PRKN: variants seen among roughly 807,000 people sequenced by gnomAD.
PRKN encodes the protein parkin RBR E3 ubiquitin protein ligase, also known as E3 ubiquitin-protein ligase parkin.
In PRKN, 56 loss-of-function variants were observed where a neutral mutation model predicts 59.5. That is an observed-to-expected ratio of 0.94 (90% CI 0.76 to 1.18). The LOEUF (loss-of-function observed/expected upper bound fraction) is 1.18, where lower values mean the gene tolerates loss of function less well. Among genes scored for constraint, PRKN ranks in the 50% most tolerant of loss-of-function variants. The probability of loss-of-function intolerance (pLI) is 0.00; values close to 1 mark genes in which losing one functional copy is unlikely to be tolerated. For missense variants in PRKN, 657 were observed against 596.4 expected (o/e 1.10, Z -1.06); for synonymous variants, 250 against 222.1 (o/e 1.13, Z -1.12).
At chr6:162,120,091 C>T (rs960434144) in intron 4 of PRKN, among the ~76,000 whole-genome samples, 4 of 152,176 alleles carry the variant, frequency 2.6e-5, no homozygotes, top group Non-Finnish European at 4.4e-5. Flanking sequence ...GACTGTGGCT[C>T]ACTGCAGCCT....
intron 4 of PRKN, among the ~76,000 whole-genome samples, chr6:162,174,000 C>T (rs1783413608): frequency 1.3e-5 from 2 of 152,086 alleles, no homozygotes; most frequent in African/African-American, 2.4e-5. Flanking sequence ...TTTCAAGAGC[C>T]ACCATATATC....
chr6:161,908,682 A>C (rs1428933062), intron 6 of PRKN, among the ~76,000 whole-genome samples: 2 of 151,890 alleles, frequency 1.3e-5, no homozygotes, highest in Non-Finnish European at 2.9e-5. Context: ...AAAAAACACC[A>C]GTTCTATAAT....
intron 4 of PRKN, among the ~76,000 whole-genome samples, chr6:162,076,116 G>C (rs1472565720): frequency 6.6e-6 from 1 of 151,854 alleles, no homozygotes; most frequent in Non-Finnish European, 1.5e-5. Context: ...TTATAGGCAT[G>C]TGCCCCCACA....
chr6:161,440,098 C>T lies in PRKN; in HGVS notation c.1084-53221G>A, dbSNP rs1485305908. 6.6e-6 allele frequency among the ~76,000 whole-genome samples: 1 copy of T among 151,850 alleles called. No homozygotes were observed. Among genetic ancestry groups the T allele is most frequent in the Non-Finnish European group, 1.5e-5 (1 of 67,950 alleles). ...CCTGAGTAGCTGGGACTACAGGCGC[C>T]CACCACCACGCCCGGCTAATTTTTT... On this transcript the variant is annotated intron_variant, in intron 9 of 11. Transcript: ENST00000366898. The surrounding 1 kb of genome is among the most constrained non-coding windows in gnomAD (Gnocchi z 4.1).
intron 1 of PRKN, among the ~76,000 whole-genome samples, chr6:162,538,441 T>C (rs1196409518): frequency 6.6e-6 from 1 of 151,924 alleles, no homozygotes; most frequent in Non-Finnish European, 1.5e-5. Flanking sequence ...AGTATCTAAA[T>C]ACCTAAAGGC....
At chr6:161,644,401 G>T (rs999953560) in intron 7 of PRKN, among the ~76,000 whole-genome samples, 1 of 152,200 alleles carries the variant, frequency 6.6e-6, no homozygotes, top group African/African-American at 2.4e-5. Context: ...TATTAGTTAA[G>T]GATAGTCTTT....
At chr6:162,298,892 T>C (rs1328394725) in intron 2 of PRKN, among the ~76,000 whole-genome samples, 3 of 152,122 alleles carry the variant, frequency 2.0e-5, no homozygotes, top group Non-Finnish European at 4.4e-5. Context: ...TGCCCCGCCA[T>C]GTGCCCTGAG....
chr6:162,603,940 A>G (rs1018709038), intron 1 of PRKN, among the ~76,000 whole-genome samples: 25 of 152,198 alleles, frequency 1.6e-4, no homozygotes, highest in African/African-American at 6.0e-4. Context: ...TTCATGAGGC[A>G]TTTAAAAGAA....
chr6:161,810,834 A>G (rs903461743), intron 6 of PRKN, among the ~76,000 whole-genome samples: 2 of 152,182 alleles, frequency 1.3e-5, no homozygotes, highest in African/African-American at 4.8e-5. Flanking sequence ...GATGTATGCT[A>G]TAGCAGAGAC....
chr6:161,763,939 C>T (rs6455772), intron 7 of PRKN, among the ~76,000 whole-genome samples: 132,890 of 152,036 alleles, frequency 0.87, 58,261 homozygotes, highest in East Asian at 0.97. Context: ...CCATTTTCCT[C>T]CCTCCAGCAG....
rs1414533231 is a variant in PRKN, at chr6:161,429,879, T to A, written c.1084-43002A>T. On this transcript the variant is annotated intron_variant, in intron 9 of 11. Transcript: ENST00000366898. The surrounding 1 kb of genome is among the most constrained non-coding windows in gnomAD (Gnocchi z 4.2). ...TGAAGGATCCAAGATTTTGCTTTCTTTGCAAGCTAACAAGTTAGTCTGCTC... is the reference window on the plus strand; with the variant it reads ...TGAAGGATCCAAGATTTTGCTTTCTATGCAAGCTAACAAGTTAGTCTGCTC... Among the ~76,000 whole-genome samples, 1 of 152,180 alleles carries A rather than the reference T, an allele frequency of 6.6e-6. No individual in the cohort carries two copies. Among genetic ancestry groups the A allele is most frequent in the African/African-American group, 2.4e-5 (1 of 41,438 alleles).
chr6:162,383,382 C>T (rs752478406), intron 2 of PRKN, among the ~76,000 whole-genome samples: 9 of 152,192 alleles, frequency 5.9e-5, no homozygotes, highest in Admixed American at 2.0e-4. Context: ...CCTTGAACAT[C>T]TCCATCAGAG....
chr6:162,499,313 A>G (rs1478458830), intron 1 of PRKN, among the ~76,000 whole-genome samples: 2 of 152,174 alleles, frequency 1.3e-5, no homozygotes, highest in Non-Finnish European at 2.9e-5. Flanking sequence ...TAAATCTTTC[A>G]TATTATTCAA....
intron 5 of PRKN, among the ~76,000 whole-genome samples, chr6:162,021,470 T>C (rs370343100): frequency 7.1e-6 from 1 of 140,324 alleles, no homozygotes; most frequent in East Asian, 2.0e-4. Context: ...TATTTTTTTT[T>C]TTTTTTTCCT....
At chr6:162,108,525 A>G (rs1399884475) in intron 4 of PRKN, among the ~76,000 whole-genome samples, 3 of 152,218 alleles carry the variant, frequency 2.0e-5, no homozygotes, top group African/African-American at 7.2e-5. Context: ...GCTGAAACAT[A>G]GCAGGAACTC....
rs1025904839 is a variant in PRKN, at chr6:161,352,759, A to G, written c.1286-2548T>C. 3.8e-3 allele frequency among the ~76,000 whole-genome samples: 379 copies of G among 98,734 alleles called. 3 individuals are homozygous for G. Among genetic ancestry groups the G allele is most frequent in the East Asian group, 0.018 (86 of 4,902 alleles). The allele number at this position is 98,734 out of a possible 152,430, so 64.8% of individuals were successfully genotyped here. On this transcript the variant is annotated intron_variant, in intron 11 of 11. Transcript: ENST00000366898. The surrounding 1 kb of genome is among the most constrained non-coding windows in gnomAD (Gnocchi z 5.8). ...TGTGTGTGTGTGTGTGTGTGTGTATATATATATATATATTTTATTTTATTT... is the reference window on the plus strand; with the variant it reads ...TGTGTGTGTGTGTGTGTGTGTGTATGTATATATATATATTTTATTTTATTT...
chr6:162,499,527 G>A (rs184319833), intron 1 of PRKN, among the ~76,000 whole-genome samples: 165 of 152,280 alleles, frequency 1.1e-3, no homozygotes, highest in African/African-American at 3.8e-3. Flanking sequence ...ATTTACTGAC[G>A]ACTGAATAAA....
In PRKN at chr6:162,469,492, A is replaced by ATG. The variant is rs376285594; in HGVS notation, c.8-26021_8-26020dup. On this transcript the variant is annotated intron_variant, in intron 1 of 11. Coordinates refer to ENST00000366898, the MANE Select transcript of PRKN (RefSeq NM_004562.3). ...AATGAGTGGATCAAGAAACTGTGGT[A>ATG]TGTGTGTGTGTGTGTATACACACAC... Among the ~76,000 whole-genome samples, 354 of 146,838 alleles carry ATG rather than the reference A, an allele frequency of 2.4e-3. 2 individuals are homozygous for ATG. Among genetic ancestry groups the ATG allele is most frequent in the African/African-American group, 8.6e-3 (331 of 38,644 alleles).
At chr6:162,142,525 G>A (rs767417872) in intron 4 of PRKN, among the ~76,000 whole-genome samples, 3 of 152,094 alleles carry the variant, frequency 2.0e-5, no homozygotes, top group Non-Finnish European at 1.5e-5. Flanking sequence ...CATAGTAAGC[G>A]CTATGTGTCT....
Sources: allele counts gnomAD v4.1 joint callset (sites outside exome capture counted in the v4.1 genomes callset), GRCh38; gene constraint gnomAD v4.1.1; non-coding constraint Gnocchi (gnomAD v3.1); transcripts MANE v1.5; gene names NCBI Gene and HGNC (gene_info 2026-07-23, HGNC 2026-07-21).